ATP10A: variants seen among roughly 807,000 people sequenced by gnomAD.
ATP10A encodes phospholipid-transporting ATPase VA.
ATP10A carries 111 observed loss-of-function variants against 147.8 expected under a neutral mutation model. The observed-to-expected ratio is 0.75, with a 90% CI of 0.64 to 0.88. The LOEUF is 0.88. Among genes scored for constraint, ATP10A ranks in the 40% least tolerant of loss-of-function variants. The pLI is 0.00. For missense variants in ATP10A, 1,927 were observed against 1,959.0 expected, an observed-to-expected ratio of 0.98 and a Z score of 0.31; for synonymous variants, 875 against 841.6, an observed-to-expected ratio of 1.04 and a Z score of -0.69.
chr15:25,839,542 C>T (rs1211801393), intron 1 of ATP10A, among the ~76,000 whole-genome samples: 6 of 152,136 alleles, frequency 3.9e-5, no homozygotes, highest in East Asian at 1.9e-4. Context: ...CTTAGCAAGG[C>T]GGCAGGCTCG....
rs575546551 is a variant in ATP10A at position 25,775,714 on chromosome 15, T to C, written c.654+5305A>G. 5.6e-4 allele frequency among the ~76,000 whole-genome samples: 85 copies of C among 152,370 alleles called. 1 individual carries two copies. In the South Asian group the frequency reaches 0.011, roughly 19 times the overall value. ...TGGGTGTGGCTGGGATTGTGGGCAC[T>C]CATCCAAACAGGTCCACCCAAGAGA... On this transcript the variant is annotated intron_variant, in intron 2 of 20. Transcript: ENST00000555815.
chr15:25,680,867 A>C lies in ATP10A; in HGVS notation c.3621T>G (p.Ile1207Met), dbSNP rs772831808. ...GGAAAGTGAGCAGCGCGATTGTCACAATAGGGGTCCCCCAGGTAAACAGGT... is the reference window on the plus strand; with the variant it reads ...GGAAAGTGAGCAGCGCGATTGTCACCATAGGGGTCCCCCAGGTAAACAGGT... ...NVDLFTWGTP[I>M]VTIALLTFLL... Residue 1207 changes from isoleucine to methionine, a missense_variant, in exon 19 of 21, where the codon ATT becomes ATG. By Grantham distance (10) the Ile-to-Met change is conservative. Transcript: ENST00000555815. The C allele has an allele frequency of 1.2e-6, 2 of 1,614,116 alleles. No homozygotes were observed. Among genetic ancestry groups the C allele is most frequent in the Non-Finnish European group, 1.7e-6 (2 of 1,180,026 alleles).
chr15:25,719,100 G>A (rs1039632760), intron 7 of ATP10A, among the ~76,000 whole-genome samples: 5 of 152,190 alleles, frequency 3.3e-5, no homozygotes, highest in African/African-American at 1.2e-4. Context: ...TGCCCAGGGA[G>A]GACAGCTTGT....
intron 1 of ATP10A, among the ~76,000 whole-genome samples, chr15:25,856,892 G>A (rs1296016381): frequency 1.3e-5 from 2 of 152,088 alleles, no homozygotes; most frequent in African/African-American, 4.8e-5. Flanking sequence ...CCACACAGAA[G>A]TAATCAGCAG....
chr15:25,817,969 T>C (rs1356219422), intron 1 of ATP10A, among the ~76,000 whole-genome samples: 1 of 152,068 alleles, frequency 6.6e-6, no homozygotes, highest in Admixed American at 6.6e-5. Context: ...GTTTTAGTAT[T>C]CTAGTTAATT....
At position 25,862,478 on chromosome 15, in the gene ATP10A, C is replaced by G. The variant is rs886920650; in HGVS notation, c.449+170G>C. 9 of 828,738 alleles carry G rather than the reference C, an allele frequency of 1.1e-5. No homozygotes were observed. The Admixed American group carries it at 1.3e-4, about 12-fold the overall frequency. 51.3% of individuals were successfully genotyped at this position (828,738 alleles called of 1,614,324 possible). A position where few individuals can be genotyped will look rare whatever the true frequency, so the allele number is the denominator to read the frequency against. Reference sequence around the variant, plus strand: ...CGGCGGAGGCACAGAGAGGCCTTGGCGGCGCTGTGGCTTCGGTCGGCACCG... The same window carrying G: ...CGGCGGAGGCACAGAGAGGCCTTGGGGGCGCTGTGGCTTCGGTCGGCACCG... On this transcript the variant is annotated intron_variant, in intron 1 of 20. Transcript: ENST00000555815.
chr15:25,680,249 C>G lies in ATP10A; in HGVS notation c.3738G>C (p.Leu1246Phe). Residue 1246 changes from leucine (L) to phenylalanine (F), a missense_variant, in exon 20 of 21, where the codon TTG becomes TTC. Coordinates refer to ENST00000555815, the MANE Select transcript of ATP10A (RefSeq NM_024490.4). ...ACGTGGCACAAGACGCATTGTAAAT[C>G]AAAGCCACGGTGAAAAACAAAAGGA... is the stretch of plus-strand genomic sequence containing the variant. ...FSVLLFFTVA[L>F]IYNASCATCY... The G allele has an allele frequency of 6.2e-7, 1 of 1,614,182 alleles. No individual in the cohort carries two copies. Among genetic ancestry groups the G allele is most frequent in the Non-Finnish European group, 8.5e-7 (1 of 1,180,036 alleles).
intron 1 of ATP10A, among the ~76,000 whole-genome samples, chr15:25,783,986 G>A (rs930974364): frequency 1.3e-5 from 2 of 152,178 alleles, no homozygotes; most frequent in Admixed American, 1.3e-4. Context: ...AAGGCCAGTC[G>A]GACCCCTTCT....
chr15:25,683,765 T>C, intron 16 of ATP10A: 1 of 486,442 alleles, frequency 2.1e-6, no homozygotes, highest in Non-Finnish European at 3.7e-6. Flanking sequence ...GAGATTTTTG[T>C]GCTTGACAAG....
At chr15:25,802,609 A>C (rs1257266360) in intron 1 of ATP10A, among the ~76,000 whole-genome samples, 1 of 152,152 alleles carries the variant, frequency 6.6e-6, no homozygotes, top group Non-Finnish European at 1.5e-5. Flanking sequence ...AGCGGAGAGT[A>C]TGCTTCCCTG....
At chr15:25,710,624 T>A (rs1484333273) in intron 10 of ATP10A, 1 of 152,246 alleles carries the variant, frequency 6.6e-6, no homozygotes, top group Non-Finnish European at 1.5e-5. Flanking sequence ...TTACAAGCGA[T>A]ATTTCCCCAA....
chr15:25,760,003 C>T (rs1015665827), intron 2 of ATP10A, among the ~76,000 whole-genome samples: 2 of 151,226 alleles, frequency 1.3e-5, no homozygotes, highest in South Asian at 2.1e-4. Flanking sequence ...AGTCTCACTC[C>T]GTCGCCAGGC....
At chr15:25,674,844 G>A (rs1449768215), downstream of ATP10A, among the ~76,000 whole-genome samples, 3 of 152,242 alleles carry the variant, frequency 2.0e-5, no homozygotes, top group Non-Finnish European at 4.4e-5. Flanking sequence ...GAAGGGAAAT[G>A]GGAGGACAGC....
chr15:25,819,009 C>T (rs1483409299), intron 1 of ATP10A, among the ~76,000 whole-genome samples: 1 of 152,096 alleles, frequency 6.6e-6, no homozygotes. Flanking sequence ...GACTGCTGGA[C>T]GTTGGTCTAG....
At chr15:25,763,241 C>T (rs1888853177) in intron 2 of ATP10A, among the ~76,000 whole-genome samples, 1 of 152,192 alleles carries the variant, frequency 6.6e-6, no homozygotes, top group Non-Finnish European at 1.5e-5. Flanking sequence ...GCCTAAATTG[C>T]TTGCCCATGG....
At chr15:25,746,048 G>C (rs1887830625) in intron 2 of ATP10A, among the ~76,000 whole-genome samples, 1 of 152,014 alleles carries the variant, frequency 6.6e-6, no homozygotes. Context: ...AGTGGATCAA[G>C]AAAAATATTT....
At position 25,736,031 on chromosome 15, in the gene ATP10A, G is replaced by A. The variant is rs552957356; in HGVS notation, c.740+25C>T. 105 of 1,579,038 alleles carry A rather than the reference G, an allele frequency of 6.6e-5. No homozygotes were observed. In the Middle Eastern group the frequency reaches 8.5e-4, roughly 13 times the overall value. ...ATGTAGTTATCAAACAGAAGGATGC[G>A]CGCAGGCAGACACACGATACTCACA... is the stretch of plus-strand genomic sequence containing the variant. On this transcript the variant is annotated intron_variant, in intron 3 of 20. Coordinates refer to ENST00000555815, the MANE Select transcript of ATP10A (RefSeq NM_024490.4).
intron 1 of ATP10A, among the ~76,000 whole-genome samples, chr15:25,859,378 G>A (rs770098217): frequency 1.8e-4 from 28 of 152,222 alleles, no homozygotes; most frequent in Non-Finnish European, 4.0e-4. Context: ...CTCACTGAGT[G>A]GCAGGGTCTC....
intron 2 of ATP10A, among the ~76,000 whole-genome samples, chr15:25,739,498 G>A (rs188915955): frequency 7.9e-5 from 12 of 152,192 alleles, no homozygotes; most frequent in African/African-American, 2.9e-4. Flanking sequence ...GGATCTCCGG[G>A]GTCTCTGTTG....
Sources: allele counts gnomAD v4.1 joint callset (sites outside exome capture counted in the v4.1 genomes callset), GRCh38; gene constraint gnomAD v4.1.1; transcripts MANE v1.5; gene names NCBI Gene and HGNC (gene_info 2026-07-23, HGNC 2026-07-21).